The following SYNE1 variants were observed in gnomAD, a reference collection of about 807,000 sequenced individuals.
The protein encoded by SYNE1 is nesprin-1.
A neutral mutation model predicts 1,111.0 loss-of-function variants in SYNE1; 616 were observed. The ratio of observed to expected loss-of-function variants is 0.55; its 90% CI spans 0.52 to 0.59. The LOEUF (loss-of-function observed/expected upper bound fraction) is 0.59, where lower values mean the gene tolerates loss of function less well. SYNE1 is among the 20% of genes least tolerant of loss of function. The pLI, the probability that SYNE1 is intolerant of heterozygous loss-of-function variation, is 0.00. For synonymous variants in SYNE1, 3,855 were observed against 3,825.8 expected, an observed-to-expected ratio of 1.01 and a Z score of -0.28; for missense variants, 10,006 against 10,417.0, an observed-to-expected ratio of 0.96 and a Z score of 1.72.
At chr6:152,433,620 A>T in intron 34 of SYNE1, 175 bp downstream of exon 34, 1 of 662,674 alleles carries the variant, frequency 1.5e-6, no homozygotes, top group East Asian at 2.7e-5. Context: ...CCAACTATAA[A>T]TGTTGCCCAG....
chr6:152,311,013 T>C (rs981114806), intron 87 of SYNE1, 140 bp from the exon 88 acceptor site: 37 of 810,208 alleles, frequency 4.6e-5, no homozygotes, highest in Middle Eastern at 6.8e-4. Context: ...ATGACCACTT[T>C]CTACTTGGTA....
chr6:152,226,120 A>G (rs2081517741), intron 115 of SYNE1, among the ~76,000 whole-genome samples: 1 of 152,200 alleles, frequency 6.6e-6, no homozygotes, highest in Non-Finnish European at 1.5e-5. Flanking sequence ...ATTCTACCAG[A>G]TAAGGAAATG....
intron 119 of SYNE1, 97 bp from the exon 120 acceptor site, chr6:152,219,282 TC>T: frequency 8.6e-7 from 1 of 1,160,788 alleles, no homozygotes; most frequent in South Asian, 1.2e-5. Flanking sequence ...AACACACCAT[TC>T]CTACGGATCA....
At chr6:152,182,125 T>C (rs1187558443) in intron 128 of SYNE1, among the ~76,000 whole-genome samples, 1 of 152,174 alleles carries the variant, frequency 6.6e-6, no homozygotes, top group African/African-American at 2.4e-5. Flanking sequence ...GTTCTGAGAG[T>C]TTCTTATACA....
chr6:152,529,414 T>C (rs747420006), intron 4 of SYNE1, among the ~76,000 whole-genome samples: 1 of 152,180 alleles, frequency 6.6e-6, no homozygotes, highest in Non-Finnish European at 1.5e-5. Flanking sequence ...CCAGAAGATG[T>C]CTGGGATTAC....
At chr6:152,442,654 T>C (rs2098542328) in intron 30 of SYNE1, among the ~76,000 whole-genome samples, 1 of 152,156 alleles carries the variant, frequency 6.6e-6, no homozygotes, top group Admixed American at 6.5e-5. Flanking sequence ...TATTAAGAGA[T>C]TTATGGCCAG....
intron 95 of SYNE1, among the ~76,000 whole-genome samples, chr6:152,287,972 T>A (rs2153745774): frequency 6.6e-6 from 1 of 152,364 alleles, no homozygotes. Context: ...TTTTTATACA[T>A]TCAAAGTATT....
At chr6:152,451,465 C>T (rs1234307438) in intron 25 of SYNE1, among the ~76,000 whole-genome samples, 3 of 140,518 alleles carry the variant, frequency 2.1e-5, no homozygotes, top group East Asian at 2.0e-4. Flanking sequence ...AGCCCTGCAC[C>T]GTATTTTTTT....
At chr6:152,325,432 C>A (rs1328079221) in intron 80 of SYNE1, 130 bp from the exon 81 acceptor site, 3 of 794,718 alleles carry the variant, frequency 3.8e-6, no homozygotes, top group Non-Finnish European at 6.2e-6. Flanking sequence ...CGTTTATTCT[C>A]CTCTAGGTAC....
chr6:152,338,643 A>C (rs779026399), intron 75 of SYNE1, among the ~76,000 whole-genome samples: 17 of 152,120 alleles, frequency 1.1e-4, no homozygotes, highest in Non-Finnish European at 2.1e-4. Context: ...CAAACAAACG[A>C]GCAAACAAAC....
Position 152,461,675 on chromosome 6 carries a change from G to T in SYNE1, c.2316C>A (p.Leu772=), listed in dbSNP as rs1593188095. The change falls in exon 21 of 146, where the codon CTC becomes CTA. Residue 772 remains leucine (L), a synonymous_variant. Coordinates refer to ENST00000367255, the MANE Select transcript of SYNE1 (RefSeq NM_182961.4). ...CTTCTTGGGGGCTTTCTTTGGTAAT[G>T]AGGTGTGCTGTCTTTGTAATTATCT... ...QYKIITKTAH[L]ITKESPQEEG... 1 of 1,613,986 alleles carries T rather than the reference G, an allele frequency of 6.2e-7. No homozygotes were observed. Among genetic ancestry groups the T allele is most frequent in the East Asian group, 2.2e-5 (1 of 44,870 alleles).
intron 3 of SYNE1, among the ~76,000 whole-genome samples, chr6:152,577,025 T>C (rs2099499357): frequency 1.3e-5 from 2 of 152,252 alleles, no homozygotes; most frequent in South Asian, 4.1e-4. Context: ...ATTGTTCATA[T>C]GTTAAGAAGG....
intron 3 of SYNE1, among the ~76,000 whole-genome samples, chr6:152,596,098 T>TAAAAAAAAAAAAAAAAA (rs71017542): frequency 5.4e-5 from 1 of 18,584 alleles, no homozygotes; most frequent in Non-Finnish European, 1.0e-4. Context: ...AAGGGCAATC[T>TAAAAAAAAAAAAAAAAA]AAAAAAAAAA....
intron 3 of SYNE1, among the ~76,000 whole-genome samples, chr6:152,585,749 C>A (rs936159377): frequency 3.3e-5 from 5 of 152,036 alleles, no homozygotes; most frequent in Non-Finnish European, 5.9e-5. Flanking sequence ...AAGAAAAACA[C>A]CGCCATGATT....
At chr6:152,230,786 T>C in intron 114 of SYNE1, 84 bp from the exon 115 acceptor site, 1 of 1,437,008 alleles carries the variant, frequency 7.0e-7, no homozygotes, top group African/African-American at 1.4e-5. Flanking sequence ...TAGCCAGTAT[T>C]TTCTCCAAAT....
chr6:152,415,789 T>TAAAAAAAAAAAAAAAA (rs1209590450), intron 41 of SYNE1, among the ~76,000 whole-genome samples: 2 of 73,022 alleles, frequency 2.7e-5, no homozygotes, highest in African/African-American at 5.8e-5. Flanking sequence ...TTCAAAGTGG[T>TAAAAAAAAAAAAAAAA]AAAAAAAAAA....
At chr6:152,472,260 T>C in intron 15 of SYNE1, 41 bp downstream of exon 15, 3 of 1,535,638 alleles carry the variant, frequency 2.0e-6, no homozygotes, top group Non-Finnish European at 2.7e-6. Flanking sequence ...CCACCTAGTG[T>C]TTTAAAAAGA....
At chr6:152,475,479 C>T (rs1414677392) in intron 14 of SYNE1, among the ~76,000 whole-genome samples, 1 of 152,096 alleles carries the variant, frequency 6.6e-6, no homozygotes. Context: ...TATCTCATGT[C>T]ATTGCTGAAT....
chr6:152,452,948 A>G (rs1011102695), intron 25 of SYNE1, among the ~76,000 whole-genome samples: 1 of 152,228 alleles, frequency 6.6e-6, no homozygotes, highest in Admixed American at 6.5e-5. Flanking sequence ...GTTCTGGCTC[A>G]AAACTAGTTA....
Sources: allele counts gnomAD v4.1 joint callset (sites outside exome capture counted in the v4.1 genomes callset), GRCh38; gene constraint gnomAD v4.1.1; transcripts MANE v1.5; gene names NCBI Gene and HGNC (gene_info 2026-07-23, HGNC 2026-07-21).